Variants in EML5 observed in about 807,000 individuals in gnomAD.
The protein encoded by EML5 is EMAP like 5.
A neutral mutation model predicts 250.0 loss-of-function variants in EML5; 120 were observed. The observed-to-expected ratio is 0.48, with a 90% CI of 0.41 to 0.56. The LOEUF (loss-of-function observed/expected upper bound fraction) is 0.56. EML5 is among the 20% of genes least tolerant of loss of function. The probability of loss-of-function intolerance (pLI) is 0.00; values close to 1 mark genes in which losing one functional copy is unlikely to be tolerated. For synonymous variants in EML5, 771 were observed against 806.5 expected (o/e 0.96, Z 0.75); for missense variants, 2,006 against 2,437.6 (o/e 0.82, Z 3.73).
At chr14:88,656,014 T>C (rs2091854174) in intron 27 of EML5, among the ~76,000 whole-genome samples, 1 of 152,214 alleles carries the variant, frequency 6.6e-6, no homozygotes, top group African/African-American at 2.4e-5. Flanking sequence ...TTTACACTGT[T>C]GGTGGGAGTG....
At chr14:88,622,013 G>C (rs56144430) in intron 37 of EML5, 6 of 349,590 alleles carry the variant, frequency 1.7e-5, no homozygotes, top group Non-Finnish European at 2.4e-5. Flanking sequence ...CCTTTAACCA[G>C]TCCTTCCCTA....
At chr14:88,693,371 G>A (rs4904463) in intron 17 of EML5, among the ~76,000 whole-genome samples, 26,417 of 152,166 alleles carry the variant, frequency 0.17, 2,842 homozygotes, top group East Asian at 0.47. Context: ...GCAAAGTCAC[G>A]TCTTACATGG....
chr14:88,661,998 CCTA>C (rs1245381711), intron 24 of EML5, among the ~76,000 whole-genome samples, 168 bp from the exon 25 acceptor site: 1 of 152,052 alleles, frequency 6.6e-6, no homozygotes, highest in Non-Finnish European at 1.5e-5. Flanking sequence ...CTCCCCAGAG[CCTA>C]CTAATTGCTG....
intron 9 of EML5, among the ~76,000 whole-genome samples, 152 bp from the exon 10 acceptor site, chr14:88,712,635 TAAGAG>T (rs1308257466): frequency 6.6e-6 from 1 of 152,120 alleles, no homozygotes; most frequent in Non-Finnish European, 1.5e-5. Context: ...AAGTTTGGGT[TAAGAG>T]AAAAGAAAAC....
At chr14:88,660,159 T>A (rs1381613138) in intron 25 of EML5, among the ~76,000 whole-genome samples, 2 of 151,824 alleles carry the variant, frequency 1.3e-5, no homozygotes, top group Non-Finnish European at 2.9e-5. Flanking sequence ...GGCATGTGCC[T>A]GTGGTCCCAG....
In EML5 at chr14:88,707,496, T is replaced by C. The variant is rs17124833; in HGVS notation, c.1658-1070A>G. Among the ~76,000 whole-genome samples the C allele has an allele frequency of 2.7e-3, 416 of 152,146 alleles. 2 individuals carry two copies. The highest frequency in any genetic ancestry group is 9.6e-3 in the African/African-American group (398 of 41,524). On this transcript the variant is annotated intron_variant, in intron 10 of 43. Coordinates refer to ENST00000554922, the MANE Select transcript of EML5 (RefSeq NM_183387.3). ...ATGTGGCATTATACAGATATTCTTATTAAAATACACAGGATACAATGATGC... is the reference window on the plus strand; with the variant it reads ...ATGTGGCATTATACAGATATTCTTACTAAAATACACAGGATACAATGATGC...
At chr14:88,748,819 TCAGA>T (rs1330891696) in intron 2 of EML5, among the ~76,000 whole-genome samples, 3 of 151,572 alleles carry the variant, frequency 2.0e-5, no homozygotes, top group African/African-American at 7.3e-5. Flanking sequence ...TAACAGCAGC[TCAGA>T]CAATGATGAA....
At chr14:88,654,024 T>C (rs757347021) in intron 27 of EML5, among the ~76,000 whole-genome samples, 11 of 152,200 alleles carry the variant, frequency 7.2e-5, no homozygotes, top group African/African-American at 2.7e-4. Context: ...AGGGTGTATG[T>C]GTCCAGGAAT....
chr14:88,726,486 A>G, intron 8 of EML5, 55 bp downstream of exon 8: 1 of 1,462,598 alleles, frequency 6.8e-7, no homozygotes, highest in East Asian at 2.4e-5. Flanking sequence ...AAAATTACTT[A>G]TATTCTGTAT....
chr14:88,771,493 C>A lies in EML5; in HGVS notation c.198-16822G>T, dbSNP rs115062544. Among the ~76,000 whole-genome samples, 778 of 152,262 alleles carry A rather than the reference C, an allele frequency of 5.1e-3. 6 individuals carry two copies. The highest frequency in any genetic ancestry group is 0.018 in the African/African-American group (749 of 41,550). ...ATTGCTTCCTCACTACTGAGTCATT[C>A]CTATTACCATTCAAATATACCCATT... is the stretch of plus-strand genomic sequence containing the variant. On this transcript the variant is annotated intron_variant, in intron 1 of 43. Coordinates refer to ENST00000554922, the MANE Select transcript of EML5 (RefSeq NM_183387.3).
chr14:88,650,299 CA>C (rs2091558963), intron 27 of EML5, among the ~76,000 whole-genome samples: 1 of 151,756 alleles, frequency 6.6e-6, no homozygotes, highest in South Asian at 2.1e-4. Context: ...CTAAAAATAA[CA>C]AAAAATAACT....
intron 30 of EML5, among the ~76,000 whole-genome samples, chr14:88,643,856 G>A (rs746003385): frequency 1.9e-4 from 29 of 152,272 alleles, no homozygotes; most frequent in Non-Finnish European, 3.7e-4. Context: ...GGGAGGGAAC[G>A]ACAGCAATCA....
chr14:88,713,406 CTAATAGG>C (rs2093437525), intron 9 of EML5, among the ~76,000 whole-genome samples: 3 of 151,348 alleles, frequency 2.0e-5, no homozygotes, highest in African/African-American at 4.9e-5. Context: ...AAAAAAAATA[CTAATAGG>C]TAATATTTTG....
At chr14:88,642,495 C>A in intron 31 of EML5, among the ~76,000 whole-genome samples, 1 of 152,156 alleles carries the variant, frequency 6.6e-6, no homozygotes, top group East Asian at 1.9e-4. Flanking sequence ...CCAGCCCCAG[C>A]AATCACTCAC....
intron 27 of EML5, among the ~76,000 whole-genome samples, chr14:88,650,190 T>C (rs150432310): frequency 0.015 from 2,311 of 152,300 alleles, 58 homozygotes; most frequent in African/African-American, 0.052. Flanking sequence ...AGGTGGCTCA[T>C]GCCTGTAATC....
chr14:88,741,311 C>T (rs903586042), intron 4 of EML5, among the ~76,000 whole-genome samples: 5 of 152,102 alleles, frequency 3.3e-5, no homozygotes, highest in Admixed American at 3.3e-4. Flanking sequence ...AAAGAGTATG[C>T]TACAGCTCAC....
chr14:88,642,871 A>G (rs1381255321), intron 31 of EML5, 22 bp downstream of exon 31: 8 of 1,580,812 alleles, frequency 5.1e-6, no homozygotes, highest in Non-Finnish European at 6.8e-6. Context: ...TGATAGAGGG[A>G]TGGAGAATCA....
At chr14:88,747,960 G>A (rs1366509455) in intron 2 of EML5, among the ~76,000 whole-genome samples, 2 of 151,778 alleles carry the variant, frequency 1.3e-5, no homozygotes, top group Non-Finnish European at 2.9e-5. Context: ...ATTTGCAACT[G>A]GAAGTAAAGC....
At chr14:88,744,410 G>A (rs193261635) in intron 3 of EML5, among the ~76,000 whole-genome samples, 1 of 152,074 alleles carries the variant, frequency 6.6e-6, no homozygotes, top group African/African-American at 2.4e-5. Context: ...CACGAAGGGA[G>A]GTGCTTGCAT....
Sources: gnomAD v4.1 joint callset for allele counts (sites outside exome capture counted in the v4.1 genomes callset) on GRCh38, gnomAD v4.1.1 for gene constraint, MANE v1.5 for transcripts, NCBI Gene and HGNC (gene_info 2026-07-23, HGNC 2026-07-21) for gene names.